N4BP2: variants seen among roughly 807,000 people sequenced by gnomAD.
The protein encoded by N4BP2 is NEDD4 binding protein 2.
In N4BP2, 91 loss-of-function variants were observed where a neutral mutation model predicts 152.8. The observed-to-expected ratio is 0.60, with a 90% confidence interval of 0.50 to 0.71. N4BP2 has a LOEUF of 0.71. Ranked by LOEUF, N4BP2 falls within the 30% of genes least tolerant of loss-of-function variation. The pLI is 0.00. For synonymous variants in N4BP2, 646 were observed against 705.3 expected, an observed-to-expected ratio of 0.92 and a Z score of 1.33; for missense variants, 1,923 against 2,059.1, an observed-to-expected ratio of 0.93 and a Z score of 1.28.
chr4:40,144,728 T>G lies in N4BP2; in HGVS notation c.5071T>G (p.Leu1691Val), dbSNP rs765109427. Residue 1691 changes from leucine (L) to valine (V), a missense_variant, in exon 16 of 18, where the codon TTA (leucine) becomes GTA (valine). Leu to Val is a conservative substitution (Grantham distance 32). Transcript: ENST00000261435. The stretch of plus-strand genomic sequence containing the variant: ...TGCTTCGCTGCTGCCACAGAATGTT[T>G]TAGACCTCCATGGGCTGCATGTGGA... ...VNASLLPQNV[L>V]DLHGLHVDEA... is the part of the protein sequence containing the mutation. 1 of 1,614,138 alleles carries G rather than the reference T, an allele frequency of 6.2e-7. No homozygotes were observed. The highest frequency in any genetic ancestry group is 1.7e-5 in the Admixed American group (1 of 59,998).
rs533904341 is a variant in N4BP2, at chr4:40,097,380, C to T, written c.40C>T (p.Arg14Trp). 22 of 1,613,958 alleles carry T rather than the reference C, an allele frequency of 1.4e-5. No homozygotes were observed. Among genetic ancestry groups the T allele is most frequent in the East Asian group, 4.5e-5 (2 of 44,870 alleles). ...GAAAAATCTTGGGGGAAATCCTTTT[C>T]GGAAGACTGCAAACCCTAAGGAAGT... ...RRKNLGGNPF[R>W]KTANPKEVVV... Residue 14 changes from arginine to tryptophan, a missense_variant, in exon 3 of 18, where the codon CGG becomes TGG. Physicochemically the swap from Arg to Trp is moderately radical, Grantham distance 101. Transcript: ENST00000261435.
chr4:40,174,937 G>T, the N4BP2 span, among the ~76,000 whole-genome samples: 109,144 of 151,728 alleles, frequency 0.72, 39,410 homozygotes, highest in South Asian at 0.88. Flanking sequence ...CTGCCACGTG[G>T]GAACCTGAAG....
chr4:40,085,723 G>A (rs28758772), intron 2 of N4BP2, among the ~76,000 whole-genome samples: 5,322 of 152,246 alleles, frequency 0.035, 344 homozygotes, highest in African/African-American at 0.12. Context: ...TGAAAATCTC[G>A]AGAGTGGCAG....
intron 4 of N4BP2, among the ~76,000 whole-genome samples, chr4:40,106,444 G>A (rs1418037104): frequency 6.6e-6 from 1 of 152,056 alleles, no homozygotes; most frequent in Non-Finnish European, 1.5e-5. Context: ...AGCTTCCCAA[G>A]CAGCTGGGAC....
intron 15 of N4BP2, 119 bp from the exon 16 acceptor site, chr4:40,144,513 A>G: frequency 1.3e-6 from 1 of 779,160 alleles, no homozygotes; most frequent in South Asian, 2.2e-5. Flanking sequence ...GCATTATTTA[A>G]GATTTTAGGT....
At chr4:40,134,133 T>C (rs1719144460) in intron 13 of N4BP2, among the ~76,000 whole-genome samples, 1 of 152,200 alleles carries the variant, frequency 6.6e-6, no homozygotes, top group Non-Finnish European at 1.5e-5. Flanking sequence ...GAATATTTAT[T>C]CTCTGCTGAG....
Position 40,120,615 on chromosome 4 carries a change from C to T in N4BP2, c.2504C>T (p.Thr835Ile). Residue 835 changes from threonine (T) to isoleucine (I), a missense_variant, in exon 9 of 18, where the codon ACA becomes ATA. By Grantham distance (89) the Thr-to-Ile change is moderately conservative. Transcript: ENST00000261435. ...HKLVNSVSVN[T>I]DCVQQRGSPH... Reference sequence around the variant, plus strand: ...TTAGTTAACAGTGTATCTGTGAATACAGATTGTGTCCAGCAACGAGGATCT... The same window carrying T: ...TTAGTTAACAGTGTATCTGTGAATATAGATTGTGTCCAGCAACGAGGATCT... The T allele has an allele frequency of 6.2e-7, 1 of 1,614,110 alleles. No homozygotes were observed. Among genetic ancestry groups the T allele is most frequent in the Non-Finnish European group, 8.5e-7 (1 of 1,180,016 alleles).
chr4:40,065,341 C>T (rs1012840414), intron 1 of N4BP2, among the ~76,000 whole-genome samples: 5 of 152,128 alleles, frequency 3.3e-5, no homozygotes, highest in Non-Finnish European at 7.3e-5. Context: ...ATATGTCTGT[C>T]AAACAATTAA....
intron 4 of N4BP2, among the ~76,000 whole-genome samples, chr4:40,105,904 GGAAGTGTCAGA>G (rs756607551): frequency 2.0e-5 from 3 of 152,110 alleles, no homozygotes; most frequent in Non-Finnish European, 4.4e-5. Context: ...CGGTAAAAAA[GGAAGTGTCAGA>G]GAAGGGAAAG....
chr4:40,171,553 G>T, the N4BP2 span, among the ~76,000 whole-genome samples: 1 of 152,148 alleles, frequency 6.6e-6, no homozygotes, highest in African/African-American at 2.4e-5. Context: ...CTAACCCCCA[G>T]TACTCCTGAA....
chr4:40,058,941 C>T (rs1017309391), intron 1 of N4BP2, among the ~76,000 whole-genome samples: 4 of 152,108 alleles, frequency 2.6e-5, no homozygotes, highest in African/African-American at 9.7e-5. Flanking sequence ...CCACCTCGTC[C>T]CCTAGAGTAG....
the N4BP2 span, among the ~76,000 whole-genome samples, chr4:40,186,202 A>G: frequency 5.3e-5 from 8 of 152,012 alleles, no homozygotes; most frequent in African/African-American, 1.5e-4. Context: ...ATATGATCCT[A>G]TGTAAGCTGA....
At chr4:40,078,880 G>T (rs925492593) in intron 2 of N4BP2, among the ~76,000 whole-genome samples, 7 of 151,448 alleles carry the variant, frequency 4.6e-5, no homozygotes, top group Non-Finnish European at 1.0e-4. Context: ...ACTGCATTTT[G>T]TTTTTTTTAA....
chr4:40,147,186 T>C (rs939934857), intron 16 of N4BP2, among the ~76,000 whole-genome samples: 17 of 150,590 alleles, frequency 1.1e-4, no homozygotes, highest in Non-Finnish European at 1.8e-4. Context: ...CATTTAACCC[T>C]GAGTGGACAC....
intron 5 of N4BP2, among the ~76,000 whole-genome samples, chr4:40,109,898 A>AT (rs1487623393): frequency 6.6e-6 from 1 of 152,246 alleles, no homozygotes; most frequent in Non-Finnish European, 1.5e-5. Context: ...AGGGCTGTGC[A>AT]TTCGTTAATA....
At chr4:40,060,590 C>T (rs1733578950) in intron 1 of N4BP2, among the ~76,000 whole-genome samples, 1 of 144,210 alleles carries the variant, frequency 6.9e-6, no homozygotes, top group South Asian at 2.3e-4. Context: ...ATTTATGTGG[C>T]TAAGTAGCTA....
intron 2 of N4BP2, among the ~76,000 whole-genome samples, chr4:40,074,303 T>A (rs1712510874): frequency 1.3e-5 from 2 of 152,000 alleles, no homozygotes; most frequent in South Asian, 4.1e-4. Context: ...TTGGTCAGGC[T>A]AGTCTCTTAA....
At chr4:40,140,663 A>T (rs534522356) in intron 14 of N4BP2, among the ~76,000 whole-genome samples, 1 of 151,604 alleles carries the variant, frequency 6.6e-6, no homozygotes, top group African/African-American at 2.4e-5. Context: ...GTCACAGGAC[A>T]ATAGTGGAGG....
intron 2 of N4BP2, among the ~76,000 whole-genome samples, chr4:40,085,094 G>A (rs1433519979): frequency 1.3e-5 from 2 of 151,480 alleles, no homozygotes; most frequent in African/African-American, 4.9e-5. Flanking sequence ...TATATTTTTA[G>A]TAGAGACGGG....
Sources: gnomAD v4.1 joint callset for allele counts (sites outside exome capture counted in the v4.1 genomes callset) on GRCh38, gnomAD v4.1.1 for gene constraint, MANE v1.5 for transcripts, NCBI Gene and HGNC (gene_info 2026-07-23, HGNC 2026-07-21) for gene names.